GPR158: variants seen among roughly 807,000 people sequenced by gnomAD.
GPR158 encodes the protein metabotropic glycine receptor.
Under a neutral mutation model 78.2 loss-of-function variants are expected in GPR158, and 30 were observed. That is an observed-to-expected ratio of 0.38 (90% confidence interval 0.29 to 0.52). The LOEUF (loss-of-function observed/expected upper bound fraction) is 0.52, where lower values mean the gene tolerates loss of function less well. Ranked by LOEUF, GPR158 falls within the 20% of genes least tolerant of loss-of-function variation. GPR158 has a pLI of 0.83. For synonymous variants in GPR158, 581 were observed against 591.1 expected, an observed-to-expected ratio of 0.98 and a Z score of 0.25; for missense variants, 1,463 against 1,523.5, an observed-to-expected ratio of 0.96 and a Z score of 0.66.
intron 7 of GPR158, among the ~76,000 whole-genome samples, chr10:25,587,815 C>T (rs1396730273): frequency 6.6e-6 from 1 of 152,192 alleles, no homozygotes; most frequent in African/African-American, 2.4e-5. Flanking sequence ...CCCTACCTAC[C>T]ATTTAAATGC....
At chr10:25,455,637 T>C (rs1835280736) in intron 4 of GPR158, among the ~76,000 whole-genome samples, 2 of 152,186 alleles carry the variant, frequency 1.3e-5, no homozygotes, top group Non-Finnish European at 2.9e-5. Context: ...CGGGTTAGTA[T>C]TTATTATCTA....
chr10:25,263,675 A>C (rs1369727634), intron 2 of GPR158, among the ~76,000 whole-genome samples: 5 of 152,092 alleles, frequency 3.3e-5, no homozygotes, highest in African/African-American at 1.2e-4. Flanking sequence ...TGTGGCTCAC[A>C]CCTGTAATCC....
chr10:25,332,891 TC>T (rs1338335031), intron 2 of GPR158, among the ~76,000 whole-genome samples: 3 of 152,154 alleles, frequency 2.0e-5, no homozygotes, highest in Non-Finnish European at 4.4e-5. Context: ...GTTCTGGGTT[TC>T]CCCCAGCATT....
intron 7 of GPR158, among the ~76,000 whole-genome samples, chr10:25,575,978 CT>C: frequency 6.6e-6 from 1 of 152,298 alleles, no homozygotes; most frequent in Middle Eastern, 3.4e-3. Context: ...GCCACTCTCA[CT>C]TTATATGAAC....
intron 1 of GPR158, among the ~76,000 whole-genome samples, chr10:25,206,940 T>C (rs1194668837): frequency 6.6e-6 from 1 of 151,010 alleles, no homozygotes; most frequent in Non-Finnish European, 1.5e-5. Context: ...AAGGACTTAA[T>C]TATTCCAGAG....
At chr10:25,252,270 T>C (rs1275698343) in intron 2 of GPR158, among the ~76,000 whole-genome samples, 5 of 151,400 alleles carry the variant, frequency 3.3e-5, no homozygotes, top group African/African-American at 1.2e-4. Flanking sequence ...TGTCCTCCTG[T>C]AGCTCAGAGT....
At chr10:25,346,179 C>A (rs1025292914) in intron 2 of GPR158, among the ~76,000 whole-genome samples, 31 of 151,768 alleles carry the variant, frequency 2.0e-4, no homozygotes, top group Non-Finnish European at 4.1e-4. Context: ...TATCAAATAG[C>A]CATATGTTAG....
intron 2 of GPR158, among the ~76,000 whole-genome samples, chr10:25,371,774 A>G (rs1180346239): frequency 1.5e-5 from 2 of 135,332 alleles, no homozygotes; most frequent in African/African-American, 5.6e-5. Context: ...CCTAGGCATT[A>G]CCATTCAGGA....
intron 3 of GPR158, among the ~76,000 whole-genome samples, chr10:25,402,381 T>G (rs1026531478): frequency 6.6e-6 from 1 of 152,114 alleles, no homozygotes; most frequent in Non-Finnish European, 1.5e-5. Context: ...TGGAGAAAAG[T>G]AGCCGCAAAG....
intron 2 of GPR158, among the ~76,000 whole-genome samples, chr10:25,308,531 A>G (rs1854717345): frequency 6.6e-6 from 1 of 151,880 alleles, no homozygotes; most frequent in African/African-American, 2.4e-5. Flanking sequence ...TTCCCCTTTA[A>G]GTTTTTCTTT....
At chr10:25,434,831 C>T (rs898176614) in intron 4 of GPR158, among the ~76,000 whole-genome samples, 1 of 152,130 alleles carries the variant, frequency 6.6e-6, no homozygotes, top group Non-Finnish European at 1.5e-5. Flanking sequence ...TAAACCTAGT[C>T]TCCTAGGGTT....
chr10:25,306,859 C>G (rs2130456240), intron 2 of GPR158, among the ~76,000 whole-genome samples: 1 of 152,192 alleles, frequency 6.6e-6, no homozygotes. Flanking sequence ...AGTGTGTCTT[C>G]TTGCTTACAC....
At chr10:25,501,265 C>T (rs898023710) in intron 5 of GPR158, among the ~76,000 whole-genome samples, 2 of 152,180 alleles carry the variant, frequency 1.3e-5, no homozygotes, top group African/African-American at 4.8e-5. Flanking sequence ...CGCAGTCTCA[C>T]TCGGGGCATG....
intron 10 of GPR158, 21 bp from the exon 11 acceptor site, chr10:25,597,751 A>G: frequency 6.7e-7 from 1 of 1,489,596 alleles, no homozygotes; most frequent in Non-Finnish European, 8.9e-7. Context: ...CACTTCTTTG[A>G]ATTTGCTTTT....
rs1837461230 is a variant in GPR158 at position 25,599,333 on chromosome 10, A to G, written c.*59A>G. 1 of 1,236,492 alleles carries G rather than the reference A, an allele frequency of 8.1e-7. No homozygotes were observed. 76.6% of individuals were successfully genotyped at this position (1,236,492 alleles called of 1,614,324 possible). On this transcript the variant is annotated 3_prime_UTR_variant, in exon 11 of 11. Transcript: ENST00000376351. The stretch of plus-strand genomic sequence containing the variant: ...CCGGATTGGATATGAGACAGAAGAT[A>G]TAAGAATCAAATATTCCCAAGGAGG...
At chr10:25,528,453 T>C (rs946025642) in intron 5 of GPR158, among the ~76,000 whole-genome samples, 5 of 152,080 alleles carry the variant, frequency 3.3e-5, no homozygotes, top group Non-Finnish European at 7.4e-5. Flanking sequence ...TTAGAATTAA[T>C]AAGTGAATTT....
At chr10:25,211,474 G>A (rs967132575) in intron 1 of GPR158, among the ~76,000 whole-genome samples, 2 of 152,230 alleles carry the variant, frequency 1.3e-5, no homozygotes, top group Non-Finnish European at 2.9e-5. Flanking sequence ...AAAAAGGGAT[G>A]GGGGGAGCGC....
intron 6 of GPR158, among the ~76,000 whole-genome samples, chr10:25,568,410 A>G (rs576813177): frequency 6.6e-6 from 1 of 152,304 alleles, no homozygotes; most frequent in East Asian, 1.9e-4. Flanking sequence ...GCTAGCCAAG[A>G]AGTAGGAAGA....
chr10:25,348,701 C>A (rs1328867686), intron 2 of GPR158, among the ~76,000 whole-genome samples: 1 of 151,914 alleles, frequency 6.6e-6, no homozygotes, highest in African/African-American at 2.4e-5. Context: ...CCAAAAGATT[C>A]CTCTTTCTTA....
Sources: gnomAD v4.1 joint callset for allele counts (sites outside exome capture counted in the v4.1 genomes callset) on GRCh38, gnomAD v4.1.1 for gene constraint, MANE v1.5 for transcripts, NCBI Gene and HGNC (gene_info 2026-07-23, HGNC 2026-07-21) for gene names.